PCDHGA10: variants seen among roughly 807,000 people sequenced by gnomAD.
PCDHGA10 encodes the protein protocadherin gamma-A10.
A neutral mutation model predicts 59.5 loss-of-function variants in PCDHGA10; 42 were observed. That is an observed-to-expected ratio of 0.71 (90% CI 0.55 to 0.91). PCDHGA10 has a LOEUF of 0.91. PCDHGA10 is among the 40% of genes least tolerant of loss of function. The pLI is 0.00. For missense variants in PCDHGA10, 1,111 were observed against 1,198.2 expected, an observed-to-expected ratio of 0.93 and a Z score of 1.07; for synonymous variants, 511 against 517.2, an observed-to-expected ratio of 0.99 and a Z score of 0.16.
At chr5:141,435,925 A>G (rs978837252) in intron 1 of PCDHGA10, among the ~76,000 whole-genome samples, 16 of 152,166 alleles carry the variant, frequency 1.1e-4, no homozygotes, top group Non-Finnish European at 1.5e-5. Context: ...AAAATGCGGC[A>G]GTTGCTGCTT....
chr5:141,509,081 A>T (rs1279221589), intron 3 of PCDHGA10, among the ~76,000 whole-genome samples: 1 of 152,160 alleles, frequency 6.6e-6, no homozygotes, highest in Non-Finnish European at 1.5e-5. Context: ...GATTTGCGAC[A>T]TGAAATGGGG....
rs567061101 is a variant in PCDHGA10 at position 141,432,791 on chromosome 5, C to T, written c.2436+17180C>T. The T allele has an allele frequency of 2.7e-5, 44 of 1,614,064 alleles. No homozygotes were observed. Among genetic ancestry groups the T allele is most frequent in the Admixed American group, 8.3e-5 (5 of 60,034 alleles). On this transcript the variant is annotated intron_variant, in intron 1 of 3. Coordinates refer to ENST00000398610, the MANE Select transcript of PCDHGA10 (RefSeq NM_018913.3). The surrounding 1 kb of genome is among the most constrained non-coding windows in gnomAD (Gnocchi z 6.0). ...CCAAGTCCTGGCGGACCTCGGCAGC[C>T]TCGAGTCTCCAGCTAACTCTGAAAC... is the stretch of plus-strand genomic sequence containing the variant.
chr5:141,421,905 A>C, intron 1 of PCDHGA10: 1 of 1,613,752 alleles, frequency 6.2e-7, no homozygotes, highest in Non-Finnish European at 8.5e-7. Context: ...GAAAGGGCGC[A>C]GTTCCCATTC....
intron 2 of PCDHGA10, among the ~76,000 whole-genome samples, chr5:141,502,124 A>G (rs4912762): frequency 0.55 from 83,213 of 152,012 alleles, 23,486 homozygotes; most frequent in African/African-American, 0.67. Flanking sequence ...CCAGGCCCAC[A>G]GAGCTCAGTC....
At chr5:141,471,361 CT>C (rs2099255928) in intron 1 of PCDHGA10, 1 of 151,976 alleles carries the variant, frequency 6.6e-6, no homozygotes, top group Non-Finnish European at 1.5e-5. Flanking sequence ...TCCAAGCCCC[CT>C]ATTTTTATTT....
Position 141,490,798 on chromosome 5 carries a change from C to A in PCDHGA10, c.2437-4009C>A. 2 of 1,613,926 alleles carry A rather than the reference C, an allele frequency of 1.2e-6. No individual in the cohort carries two copies. Among genetic ancestry groups the A allele is most frequent in the South Asian group, 2.2e-5 (2 of 91,074 alleles). ...AGAGGATGGACGGATCTTTGCCCAG[C>A]GTACCTTTGACTATGAATTGCTGCA... On this transcript the variant is annotated intron_variant, in intron 1 of 3. Transcript: ENST00000398610. This position sits in a 1 kb window ranked among gnomAD's most constrained non-coding sequence, Gnocchi z 5.4.
At position 141,414,715 on chromosome 5, in the gene PCDHGA10, G is replaced by A; in HGVS notation, c.1540G>A (p.Asp514Asn). ...GTCCTCATACATATCCATCAACTCA[G>A]ACACTGGCGTCCTGTATGCACTCAG... The part of the protein sequence containing the change: ...PLSSYISINS[D>N]TGVLYALRSF... Residue 514 changes from aspartate to asparagine, a missense_variant, in exon 1 of 4, where the codon GAC (aspartate) becomes AAC (asparagine). Transcript: ENST00000398610. 1 of 1,614,128 alleles carries A rather than the reference G, an allele frequency of 6.2e-7. No individual in the cohort carries two copies.
intron 1 of PCDHGA10, among the ~76,000 whole-genome samples, chr5:141,451,498 C>A (rs2098717552): frequency 6.6e-6 from 1 of 152,208 alleles, no homozygotes; most frequent in South Asian, 2.1e-4. Flanking sequence ...CTCCATAGGG[C>A]AACCAGCTTC....
chr5:141,493,289 C>A lies in PCDHGA10; in HGVS notation c.2437-1518C>A, dbSNP rs925045650. On this transcript the variant is annotated intron_variant, in intron 1 of 3. Coordinates refer to ENST00000398610, the MANE Select transcript of PCDHGA10 (RefSeq NM_018913.3). This position sits in a 1 kb window ranked among gnomAD's most constrained non-coding sequence, Gnocchi z 4.3. The stretch of plus-strand genomic sequence containing the variant: ...CTTCACAGAGGTCAAGTGACTTGCT[C>A]AAGTTCACAGAGCAAGTAAGAGAGA... 6.6e-6 allele frequency among the ~76,000 whole-genome samples: 1 copy of A among 152,176 alleles called. No individual in the cohort carries two copies. Among genetic ancestry groups the A allele is most frequent in the East Asian group, 1.9e-4 (1 of 5,194 alleles).
intron 1 of PCDHGA10, among the ~76,000 whole-genome samples, chr5:141,434,935 T>C (rs952530533): frequency 6.6e-6 from 1 of 151,788 alleles, no homozygotes; most frequent in Non-Finnish European, 1.5e-5. Flanking sequence ...TTTTATATAA[T>C]AGATATAATT....
chr5:141,505,026 G>T (rs190826538), intron 2 of PCDHGA10, among the ~76,000 whole-genome samples: 1 of 152,198 alleles, frequency 6.6e-6, no homozygotes, highest in South Asian at 2.1e-4. Context: ...GCCTGGCACA[G>T]TGGCAGGTGC....
At chr5:141,425,524 G>C (rs2096881323) in intron 1 of PCDHGA10, among the ~76,000 whole-genome samples, 1 of 152,184 alleles carries the variant, frequency 6.6e-6, no homozygotes, top group Non-Finnish European at 1.5e-5. Context: ...GATGAAACAT[G>C]AAACAATAAT....
chr5:141,477,629 C>T lies in PCDHGA10; in HGVS notation c.2437-17178C>T, dbSNP rs1191573380. 6.2e-7 allele frequency: 1 copy of T among 1,614,158 alleles called. No homozygotes were observed. Reference sequence around the variant, plus strand: ...CTTGGAGCAAGGAGCTGAAACCGGGCTAGTGGGTCGCTATTTCACAATAAA... The same window carrying T: ...CTTGGAGCAAGGAGCTGAAACCGGGTTAGTGGGTCGCTATTTCACAATAAA... On this transcript the variant is annotated intron_variant, in intron 1 of 3. Coordinates refer to ENST00000398610, the MANE Select transcript of PCDHGA10 (RefSeq NM_018913.3). The surrounding 1 kb of genome is among the most constrained non-coding windows in gnomAD (Gnocchi z 4.9).
At chr5:141,434,117 G>T (rs2097672674) in intron 1 of PCDHGA10, among the ~76,000 whole-genome samples, 1 of 152,126 alleles carries the variant, frequency 6.6e-6, no homozygotes, top group African/African-American at 2.4e-5. Context: ...TGGCCTTTGG[G>T]ACTCCCTTTA....
At chr5:141,473,511 C>T (rs952034051) in intron 1 of PCDHGA10, among the ~76,000 whole-genome samples, 23 of 152,108 alleles carry the variant, frequency 1.5e-4, no homozygotes, top group Non-Finnish European at 3.1e-4. Flanking sequence ...GAGAGCATAA[C>T]AAAGGATCCT....
intron 1 of PCDHGA10, chr5:141,419,568 A>T: frequency 1.2e-6 from 2 of 1,611,742 alleles, no homozygotes; most frequent in African/African-American, 2.7e-5. Flanking sequence ...CTGGGTCCCG[A>T]CGGCTCCGCG....
chr5:141,488,677 G>A (rs2099678276), intron 1 of PCDHGA10, among the ~76,000 whole-genome samples: 2 of 152,184 alleles, frequency 1.3e-5, no homozygotes, highest in African/African-American at 2.4e-5. Context: ...CATGGGCTTT[G>A]CCTCTCCCAG....
At chr5:141,447,535 G>C (rs1366016262) in intron 1 of PCDHGA10, among the ~76,000 whole-genome samples, 1 of 152,162 alleles carries the variant, frequency 6.6e-6, no homozygotes, top group African/African-American at 2.4e-5. Flanking sequence ...AAATTGTTGG[G>C]TTTTAATGTT....
In PCDHGA10 at chr5:141,476,303, G is replaced by T. The variant is rs747567754; in HGVS notation, c.2437-18504G>T. ...TGGTTTGGATCTCGGTAGCCTCTCA[G>T]CCCGCAGGTTCCGGGTGGTGTCTGG... is the stretch of plus-strand genomic sequence containing the variant. On this transcript the variant is annotated intron_variant, in intron 1 of 3. Coordinates refer to ENST00000398610, the MANE Select transcript of PCDHGA10 (RefSeq NM_018913.3). The surrounding 1 kb of genome is among the most constrained non-coding windows in gnomAD (Gnocchi z 7.6). 6.2e-7 allele frequency: 1 copy of T among 1,613,872 alleles called. No individual in the cohort carries two copies. Among genetic ancestry groups the T allele is most frequent in the Admixed American group, 1.7e-5 (1 of 60,000 alleles).
Sources: gnomAD v4.1 joint callset for allele counts (sites outside exome capture counted in the v4.1 genomes callset) on GRCh38, gnomAD v4.1.1 for gene constraint, Gnocchi (gnomAD v3.1) non-coding constraint, MANE v1.5 for transcripts, NCBI Gene and HGNC (gene_info 2026-07-23, HGNC 2026-07-21) for gene names.